NMBR: variants seen among roughly 807,000 people sequenced by gnomAD.
NMBR encodes the protein neuromedin-B receptor.
Under a neutral mutation model 20.5 loss-of-function variants are expected in NMBR, and 16 were observed. The observed-to-expected ratio is 0.78, with a 90% CI of 0.53 to 1.19. The LOEUF is 1.19. Among genes scored for constraint, NMBR ranks in the 50% most tolerant of loss-of-function variants. The pLI is 0.00. For synonymous variants in NMBR, 212 were observed against 196.6 expected, an observed-to-expected ratio of 1.08 and a Z score of -0.65; for missense variants, 582 against 499.1, an observed-to-expected ratio of 1.17 and a Z score of -1.58.
intron 1 of NMBR, among the ~76,000 whole-genome samples, chr6:142,094,503 G>C (rs564028995): frequency 2.6e-5 from 4 of 152,184 alleles, no homozygotes; most frequent in African/African-American, 4.8e-5. Flanking sequence ...CTGTTCCATT[G>C]GTCTAGATCT....
chr6:142,102,381 C>T (rs1777581228), intron 1 of NMBR, among the ~76,000 whole-genome samples: 3 of 139,320 alleles, frequency 2.2e-5, no homozygotes, highest in South Asian at 2.4e-4. Flanking sequence ...CAGAGCAACA[C>T]TCTGTCTCAA....
chr6:142,079,156 AG>A, intron 2 of NMBR, among the ~76,000 whole-genome samples: 1 of 110,310 alleles, frequency 9.1e-6, no homozygotes, highest in African/African-American at 3.9e-5. Context: ...AGAAGAGAGG[AG>A]AGGAGAGGAA....
chr6:142,078,990 AAGGG>A, intron 2 of NMBR, 87 bp from the exon 3 acceptor site: 2 of 902,138 alleles, frequency 2.2e-6, no homozygotes, highest in Middle Eastern at 3.2e-4. Flanking sequence ...GAAAGGAAGA[AAGGG>A]AGAGAGAGAG....
intron 1 of NMBR, among the ~76,000 whole-genome samples, chr6:142,130,775 AG>A (rs1778126760): frequency 6.6e-6 from 1 of 152,110 alleles, no homozygotes; most frequent in Admixed American, 6.6e-5. Context: ...TTAATGAAAA[AG>A]GGAAGACACT....
intron 2 of NMBR, among the ~76,000 whole-genome samples, chr6:142,085,843 T>C (rs1258791230): frequency 2.6e-5 from 4 of 152,196 alleles, no homozygotes; most frequent in East Asian, 1.9e-4. Flanking sequence ...GGATATATGA[T>C]ACAAATAATT....
At chr6:142,132,364 C>A (rs1206490664) in intron 1 of NMBR, among the ~76,000 whole-genome samples, 1 of 152,252 alleles carries the variant, frequency 6.6e-6, no homozygotes, top group East Asian at 1.9e-4. Context: ...ACACCCATAA[C>A]AATGTCTTAC....
chr6:142,144,047 T>G (rs1778394503), intron 1 of NMBR, among the ~76,000 whole-genome samples: 2 of 152,254 alleles, frequency 1.3e-5, no homozygotes, highest in South Asian at 4.1e-4. Flanking sequence ...TATCCGTGTT[T>G]AAAACATAAA....
intron 2 of NMBR, among the ~76,000 whole-genome samples, chr6:142,083,304 A>C (rs6934439): frequency 0.5 from 76,068 of 151,986 alleles, 19,537 homozygotes; most frequent in East Asian, 0.74. Flanking sequence ...TGGTTATGGA[A>C]AGCAAATTTT....
intron 1 of NMBR, among the ~76,000 whole-genome samples, chr6:142,129,178 G>A (rs1468700209): frequency 6.6e-6 from 1 of 151,832 alleles, no homozygotes; most frequent in Non-Finnish European, 1.5e-5. Flanking sequence ...CACCAAGAAT[G>A]TCTACCAAAA....
At chr6:142,091,183 G>T (rs766106931) in intron 1 of NMBR, among the ~76,000 whole-genome samples, 1 of 152,040 alleles carries the variant, frequency 6.6e-6, no homozygotes, top group Non-Finnish European at 1.5e-5. Flanking sequence ...TTAATAGAAT[G>T]CACACACATC....
At chr6:142,103,670 G>T (rs1366225383) in intron 1 of NMBR, among the ~76,000 whole-genome samples, 4 of 152,066 alleles carry the variant, frequency 2.6e-5, no homozygotes, top group Non-Finnish European at 5.9e-5. Flanking sequence ...CAATTTATAT[G>T]CATAGCACTG....
At chr6:142,131,451 C>T (rs1287550558) in intron 1 of NMBR, among the ~76,000 whole-genome samples, 1 of 152,156 alleles carries the variant, frequency 6.6e-6, no homozygotes, top group Non-Finnish European at 1.5e-5. Context: ...GAGTCCTAAA[C>T]AATGCTTATG....
At chr6:142,125,383 CTTTAT>C (rs1213557387) in intron 1 of NMBR, among the ~76,000 whole-genome samples, 1 of 107,520 alleles carries the variant, frequency 9.3e-6, no homozygotes, top group Non-Finnish European at 2.2e-5. Context: ...ATAAATCATC[CTTTAT>C]TTTAAGCAAA....
intron 1 of NMBR, among the ~76,000 whole-genome samples, chr6:142,107,485 C>T (rs1777682419): frequency 6.6e-6 from 1 of 152,104 alleles, no homozygotes; most frequent in African/African-American, 2.4e-5. Flanking sequence ...CACTTCATCC[C>T]AGGGTGATGA....
chr6:142,136,161 T>C (rs1778250622), intron 1 of NMBR, among the ~76,000 whole-genome samples: 2 of 152,300 alleles, frequency 1.3e-5, no homozygotes, highest in South Asian at 4.1e-4. Context: ...GCATCTGTTG[T>C]TTCCTGACTT....
At chr6:142,085,788 C>T (rs1327933737) in intron 2 of NMBR, among the ~76,000 whole-genome samples, 2 of 151,912 alleles carry the variant, frequency 1.3e-5, no homozygotes, top group African/African-American at 2.4e-5. Flanking sequence ...AGATCTTAGG[C>T]AAAGATCTTG....
At chr6:142,100,020 C>T (rs993176799) in intron 1 of NMBR, among the ~76,000 whole-genome samples, 3 of 152,168 alleles carry the variant, frequency 2.0e-5, no homozygotes, top group Non-Finnish European at 4.4e-5. Context: ...TACCCCTATA[C>T]ATTTATTAAA....
intron 1 of NMBR, among the ~76,000 whole-genome samples, chr6:142,141,844 G>A (rs1335591817): frequency 3.3e-5 from 5 of 152,012 alleles, no homozygotes; most frequent in Admixed American, 6.6e-5. Flanking sequence ...TTAAATAGAA[G>A]GATGCAAATA....
At chr6:142,136,963 T>G (rs1778270895) in intron 1 of NMBR, among the ~76,000 whole-genome samples, 1 of 152,188 alleles carries the variant, frequency 6.6e-6, no homozygotes, top group Admixed American at 6.5e-5. Flanking sequence ...GGCTTAGGAT[T>G]GACTTGGTGA....
Sources: gnomAD v4.1 joint callset for allele counts (sites outside exome capture counted in the v4.1 genomes callset) on GRCh38, gnomAD v4.1.1 for gene constraint, MANE v1.5 for transcripts, NCBI Gene and HGNC (gene_info 2026-07-23, HGNC 2026-07-21) for gene names.